KLF7: variants seen among roughly 807,000 people sequenced by gnomAD.
The protein encoded by KLF7 is Krueppel-like factor 7.
KLF7 carries 2 observed loss-of-function variants against 27.3 expected under a neutral mutation model. The ratio of observed to expected loss-of-function variants is 0.07; its 90% CI spans 0.03 to 0.23. The LOEUF is 0.23. Among genes scored for constraint, KLF7 ranks in the 10% least tolerant of loss-of-function variants. KLF7 has a pLI of 1.00. For synonymous variants in KLF7, 165 were observed against 162.4 expected (o/e 1.02, Z -0.12); for missense variants, 221 against 394.1 (o/e 0.56, Z 3.72).
In KLF7 at chr2:207,076,101, A is replaced by G. The variant is rs796169020; in HGVS notation, c.*5112T>C. 3 of 152,250 alleles carry G rather than the reference A, an allele frequency of 2.0e-5. No homozygotes were observed. The highest frequency in any genetic ancestry group is 7.2e-5 in the African/African-American group (3 of 41,548). 9.4% of individuals were successfully genotyped at this position (152,250 alleles called of 1,614,324 possible). ...GTGGCTACTCCTCCGAAACGTCAGT[A>G]GCCTGTTTTCCTTCCGTGAAGGTAC... On this transcript the variant is annotated 3_prime_UTR_variant, in exon 4 of 4. Coordinates refer to ENST00000309446, the MANE Select transcript of KLF7 (RefSeq NM_003709.4).
chr2:207,143,999 G>A (rs1277538230), intron 1 of KLF7, among the ~76,000 whole-genome samples: 1 of 152,048 alleles, frequency 6.6e-6, no homozygotes, highest in Non-Finnish European at 1.5e-5. Flanking sequence ...CCTTGGTGGA[G>A]AGAGAGAGGC....
intron 2 of KLF7, among the ~76,000 whole-genome samples, chr2:207,108,457 GACAA>G (rs1445023578): frequency 6.6e-6 from 1 of 152,168 alleles, no homozygotes; most frequent in Non-Finnish European, 1.5e-5. Context: ...AATATCTACA[GACAA>G]ACAATCCTCA....
At chr2:207,138,882 T>C (rs1477888532) in intron 1 of KLF7, among the ~76,000 whole-genome samples, 1 of 152,244 alleles carries the variant, frequency 6.6e-6, no homozygotes, top group African/African-American at 2.4e-5. Flanking sequence ...TGTTTGTGTC[T>C]GTGTCTGCGA....
intron 2 of KLF7, among the ~76,000 whole-genome samples, chr2:207,096,445 T>C (rs967169692): frequency 6.6e-6 from 1 of 152,188 alleles, no homozygotes; most frequent in Non-Finnish European, 1.5e-5. Flanking sequence ...TCAGAATCTG[T>C]TTTTAGCATC....
rs1182712933 is a variant in KLF7 at position 207,165,782 on chromosome 2, GGA to G, written c.-216_-215del. On this transcript the variant is annotated 5_prime_UTR_variant, in exon 1 of 4. An upstream open reading frame in the 5' UTR loses its in-frame stop. Coordinates refer to ENST00000309446, the MANE Select transcript of KLF7 (RefSeq NM_003709.4). ...AGAGGAGCGAGTGAGTGGGGTGGAT[GGA>G]GAGAGGCATCCAGCGTGTACAGTGC... is the stretch of plus-strand genomic sequence containing the variant. 1 of 1,429,314 alleles carries G rather than the reference GGA, an allele frequency of 7.0e-7. No homozygotes were observed. The highest frequency in any genetic ancestry group is 9.1e-7 in the Non-Finnish European group (1 of 1,097,428). 88.5% of individuals were successfully genotyped at this position (1,429,314 alleles called of 1,614,324 possible). A position where few individuals can be genotyped will look rare whatever the true frequency, so the allele number is the denominator to read the frequency against.
At chr2:207,160,223 CG>C (rs1370533845) in intron 1 of KLF7, among the ~76,000 whole-genome samples, 45 of 152,146 alleles carry the variant, frequency 3.0e-4, no homozygotes, top group African/African-American at 8.7e-4. Flanking sequence ...TAAAACATTC[CG>C]CCCCCCTACC....
At chr2:207,159,849 G>A (rs1030998796) in intron 1 of KLF7, among the ~76,000 whole-genome samples, 4 of 152,128 alleles carry the variant, frequency 2.6e-5, no homozygotes, top group African/African-American at 9.7e-5. Context: ...GTTTAAACGG[G>A]ACCAAGTTCT....
chr2:207,123,158 G>A (rs187784433), intron 2 of KLF7, among the ~76,000 whole-genome samples: 17 of 151,884 alleles, frequency 1.1e-4, no homozygotes, highest in Admixed American at 1.1e-3. Context: ...ACATAGCAAT[G>A]TAATCACTTT....
chr2:207,104,714 T>C (rs969867643), intron 2 of KLF7, among the ~76,000 whole-genome samples: 9 of 152,252 alleles, frequency 5.9e-5, no homozygotes, highest in African/African-American at 2.2e-4. Context: ...ACTCAGGCCA[T>C]CTTACCTTCA....
chr2:207,112,825 T>C (rs2077073131), intron 2 of KLF7, among the ~76,000 whole-genome samples: 1 of 152,236 alleles, frequency 6.6e-6, no homozygotes, highest in Non-Finnish European at 1.5e-5. Flanking sequence ...GTTTTTTAAA[T>C]CACAAAATTG....
intron 1 of KLF7, among the ~76,000 whole-genome samples, chr2:207,157,609 G>A (rs924451202): frequency 6.6e-6 from 1 of 152,212 alleles, no homozygotes; most frequent in Non-Finnish European, 1.5e-5. Context: ...AGGGAGCCAT[G>A]AACAGTTTGA....
At chr2:207,173,132 A>G in the KLF7 span, among the ~76,000 whole-genome samples, 1 of 151,972 alleles carries the variant, frequency 6.6e-6, no homozygotes, top group Non-Finnish European at 1.5e-5. Context: ...ATTTGGAAGA[A>G]CATGAGAACA....
chr2:207,081,602 G>A (rs569987116), intron 3 of KLF7, among the ~76,000 whole-genome samples: 3 of 152,282 alleles, frequency 2.0e-5, no homozygotes, highest in South Asian at 2.1e-4. Context: ...CTGGCACATC[G>A]TAGGATCTCA....
rs914579040 is a variant in KLF7, at chr2:207,133,932, T to C, written c.103-9528A>G. The C allele has an allele frequency of 2.0e-5, 11 of 549,504 alleles. 1 individual carries two copies. The African/African-American group carries it at 2.1e-4, about 11-fold the overall frequency. 34.0% of individuals were successfully genotyped at this position (549,504 alleles called of 1,614,324 possible). A position where few individuals can be genotyped will look rare whatever the true frequency, so the allele number is the denominator to read the frequency against. ...AAACCAAAATTACTGAAAAACACAG[T>C]AACAGGGAAAGGTCTGACAAGGCAT... On this transcript the variant is annotated intron_variant, in intron 1 of 3. Coordinates refer to ENST00000309446, the MANE Select transcript of KLF7 (RefSeq NM_003709.4).
chr2:207,165,340 A>G (rs943111954), intron 1 of KLF7, 127 bp downstream of exon 1: 97 of 1,333,060 alleles, frequency 7.3e-5, no homozygotes, highest in Non-Finnish European at 9.8e-5. Context: ...TCAACAACAG[A>G]CAGCCAAAAA....
chr2:207,077,665 T>C lies in KLF7; in HGVS notation c.*3548A>G, dbSNP rs968550341. On this transcript the variant is annotated 3_prime_UTR_variant, in exon 4 of 4. Coordinates refer to ENST00000309446, the MANE Select transcript of KLF7 (RefSeq NM_003709.4). ...ACATAATACTCATTACCACCAGGCATTGAGCTGAGCCATTAACCATGGGTG... is the reference window on the plus strand; with the variant it reads ...ACATAATACTCATTACCACCAGGCACTGAGCTGAGCCATTAACCATGGGTG... 4 of 152,174 alleles carry C rather than the reference T, an allele frequency of 2.6e-5. No homozygotes were observed. Among genetic ancestry groups the C allele is most frequent in the African/African-American group, 9.7e-5 (4 of 41,438 alleles). 9.4% of individuals were successfully genotyped at this position (152,174 alleles called of 1,614,324 possible).
intron 1 of KLF7, among the ~76,000 whole-genome samples, chr2:207,153,464 C>T (rs1338946927): frequency 1.3e-5 from 2 of 152,046 alleles, no homozygotes; most frequent in Non-Finnish European, 2.9e-5. Flanking sequence ...GCAAACAGAG[C>T]TGATTTTACA....
At chr2:207,139,462 G>A (rs7579621) in intron 1 of KLF7, among the ~76,000 whole-genome samples, 14 of 151,020 alleles carry the variant, frequency 9.3e-5, no homozygotes, top group African/African-American at 1.5e-4. Context: ...GAAACAGAAC[G>A]AAAAGTTTCT....
chr2:207,125,813 G>C (rs558563078), intron 1 of KLF7, among the ~76,000 whole-genome samples: 1 of 152,264 alleles, frequency 6.6e-6, no homozygotes, highest in African/African-American at 2.4e-5. Context: ...AAGGTACAAG[G>C]CTTTGTATGT....
Sources: allele counts gnomAD v4.1 joint callset (sites outside exome capture counted in the v4.1 genomes callset), GRCh38; gene constraint gnomAD v4.1.1; transcripts MANE v1.5; gene names NCBI Gene and HGNC (gene_info 2026-07-23, HGNC 2026-07-21).